TMEM117: variants seen among roughly 807,000 people sequenced by gnomAD.
TMEM117 encodes the protein transmembrane protein 117.
A neutral mutation model predicts 52.4 loss-of-function variants in TMEM117; 27 were observed. The ratio of observed to expected loss-of-function variants is 0.51; its 90% CI spans 0.38 to 0.71. The LOEUF is 0.71. TMEM117 is among the 30% of genes least tolerant of loss of function. The pLI, the probability that TMEM117 is intolerant of heterozygous loss-of-function variation, is 0.00. For missense variants in TMEM117, 556 were observed against 630.5 expected (o/e 0.88, Z 1.26); for synonymous variants, 215 against 206.3 (o/e 1.04, Z -0.36).
chr12:43,941,093 G>A (rs1406875035), intron 2 of TMEM117, among the ~76,000 whole-genome samples: 1 of 152,108 alleles, frequency 6.6e-6, no homozygotes, highest in Non-Finnish European at 1.5e-5. Flanking sequence ...TTCTTTGACT[G>A]TATTGAAGGT....
chr12:43,991,851 C>T (rs1257657406), intron 3 of TMEM117, among the ~76,000 whole-genome samples: 2 of 152,130 alleles, frequency 1.3e-5, no homozygotes, highest in Non-Finnish European at 2.9e-5. Flanking sequence ...CTGCTCTCTC[C>T]GTTTCCAGTC....
chr12:44,015,256 C>A (rs1946356478), intron 3 of TMEM117, among the ~76,000 whole-genome samples: 1 of 151,994 alleles, frequency 6.6e-6, no homozygotes, highest in Admixed American at 6.6e-5. Flanking sequence ...GTCATTGTAT[C>A]CATATTGATA....
In TMEM117 at chr12:44,327,109, G is replaced by A. The variant is rs115029218; in HGVS notation, c.768+27370G>A. Among the ~76,000 whole-genome samples, 483 of 152,130 alleles carry A rather than the reference G, an allele frequency of 3.2e-3. 3 individuals are homozygous for A. The highest frequency in any genetic ancestry group is 0.011 in the African/African-American group (451 of 41,506). Reference sequence around the variant, plus strand: ...ATTTATTGGCTATACTGTAGGTACTGGGGCTACAAAGGTAATTAAATACAT... The same window carrying A: ...ATTTATTGGCTATACTGTAGGTACTAGGGCTACAAAGGTAATTAAATACAT... On this transcript the variant is annotated intron_variant, in intron 6 of 7. Coordinates refer to ENST00000266534, the MANE Select transcript of TMEM117 (RefSeq NM_032256.3).
chr12:43,944,597 A>G (rs969335202), intron 3 of TMEM117, among the ~76,000 whole-genome samples: 1 of 152,116 alleles, frequency 6.6e-6, no homozygotes, highest in African/African-American at 2.4e-5. Context: ...GAGGGCAGGT[A>G]CTAATTTCAT....
At chr12:43,970,515 C>T (rs956065682) in intron 3 of TMEM117, among the ~76,000 whole-genome samples, 1 of 152,112 alleles carries the variant, frequency 6.6e-6, no homozygotes, top group Non-Finnish European at 1.5e-5. Context: ...GTCTCAATCT[C>T]CTGACCTTGT....
At chr12:43,966,554 G>T (rs1228648837) in intron 3 of TMEM117, among the ~76,000 whole-genome samples, 1 of 152,082 alleles carries the variant, frequency 6.6e-6, no homozygotes, top group Non-Finnish European at 1.5e-5. Flanking sequence ...ATTACCTTGG[G>T]ATACTCTAAG....
chr12:44,114,607 A>G (rs1432186046), intron 3 of TMEM117, among the ~76,000 whole-genome samples: 1 of 152,154 alleles, frequency 6.6e-6, no homozygotes, highest in Non-Finnish European at 1.5e-5. Context: ...AAAGTAATTT[A>G]TTCTCTCTGT....
chr12:43,905,667 T>C (rs898586594), intron 2 of TMEM117, among the ~76,000 whole-genome samples: 2 of 152,204 alleles, frequency 1.3e-5, no homozygotes, highest in Non-Finnish European at 2.9e-5. Context: ...GGAGACTTAT[T>C]TGCTCATTTA....
chr12:43,983,906 A>G (rs1945803694), intron 3 of TMEM117, among the ~76,000 whole-genome samples: 1 of 152,160 alleles, frequency 6.6e-6, no homozygotes, highest in Admixed American at 6.5e-5. Flanking sequence ...TATTAATAAT[A>G]GGTACTTTTT....
chr12:44,166,254 C>A (rs945710485), intron 4 of TMEM117, among the ~76,000 whole-genome samples: 1 of 152,140 alleles, frequency 6.6e-6, no homozygotes, highest in African/African-American at 2.4e-5. Flanking sequence ...GCAATAAATA[C>A]CTACGTCAAA....
At chr12:44,076,554 A>G (rs776894644) in intron 3 of TMEM117, among the ~76,000 whole-genome samples, 5 of 152,200 alleles carry the variant, frequency 3.3e-5, no homozygotes, top group Non-Finnish European at 7.4e-5. Flanking sequence ...GTTAAAAGCT[A>G]TTTAGCATGT....
chr12:44,204,230 A>C (rs967865684), intron 4 of TMEM117, among the ~76,000 whole-genome samples: 1 of 152,184 alleles, frequency 6.6e-6, no homozygotes, highest in Admixed American at 6.5e-5. Flanking sequence ...TCAGGATACA[A>C]AATCAGTGTA....
intron 3 of TMEM117, among the ~76,000 whole-genome samples, chr12:44,011,481 C>G (rs1171674976): frequency 4.6e-5 from 7 of 152,144 alleles, no homozygotes; most frequent in Non-Finnish European, 1.0e-4. Flanking sequence ...CAAGCTCTCT[C>G]TGTTTGCCTG....
In TMEM117 at chr12:44,346,887, A is replaced by G. The variant is rs139699453; in HGVS notation, c.769-29708A>G. On this transcript the variant is annotated intron_variant, in intron 6 of 7. Transcript: ENST00000266534. ...CTCTTTGCAAGTGGTTGTATTAGGT[A>G]AGCATATTATTGAAAATAATGCTCT... Among the ~76,000 whole-genome samples the G allele has an allele frequency of 6.9e-3, 1,047 of 152,220 alleles. 9 individuals carry two copies. Among genetic ancestry groups the G allele is most frequent in the African/African-American group, 0.024 (998 of 41,548 alleles).
At chr12:44,391,412 T>C (rs972324260), downstream of TMEM117, among the ~76,000 whole-genome samples, 2 of 152,146 alleles carry the variant, frequency 1.3e-5, no homozygotes. Flanking sequence ...GTTTAAAATG[T>C]TAAGAATTAT....
At chr12:43,825,296 A>G in the TMEM117 span, among the ~76,000 whole-genome samples, 22 of 152,188 alleles carry the variant, frequency 1.4e-4, no homozygotes, top group Non-Finnish European at 2.9e-4. Context: ...GGGCTGGCCT[A>G]CCTGCTTTTA....
intron 3 of TMEM117, among the ~76,000 whole-genome samples, chr12:44,078,665 A>G (rs1345479513): frequency 2.0e-5 from 3 of 152,134 alleles, no homozygotes; most frequent in Non-Finnish European, 4.4e-5. Context: ...ACAATTGTGT[A>G]AAATTCTTAG....
intron 2 of TMEM117, among the ~76,000 whole-genome samples, chr12:43,880,297 A>C (rs1184836483): frequency 6.6e-6 from 1 of 152,094 alleles, no homozygotes; most frequent in African/African-American, 2.4e-5. Context: ...TACTTGCACT[A>C]TATACTGTTA....
At chr12:43,832,833 G>A (rs1035225794), upstream of TMEM117, among the ~76,000 whole-genome samples, 1 of 152,174 alleles carries the variant, frequency 6.6e-6, no homozygotes, top group Non-Finnish European at 1.5e-5. Flanking sequence ...TAAATGTAGA[G>A]AGGGATACTC....
Sources: gnomAD v4.1 joint callset for allele counts (sites outside exome capture counted in the v4.1 genomes callset) on GRCh38, gnomAD v4.1.1 for gene constraint, MANE v1.5 for transcripts, NCBI Gene and HGNC (gene_info 2026-07-23, HGNC 2026-07-21) for gene names.